Variants in NRG1 observed in about 807,000 individuals in gnomAD.
NRG1 encodes pro-neuregulin-1, membrane-bound isoform.
NRG1 carries 18 observed loss-of-function variants against 63.8 expected under a neutral mutation model. That is an observed-to-expected ratio of 0.28 (90% confidence interval 0.19 to 0.42). NRG1 has a LOEUF of 0.42. Ranked by LOEUF, NRG1 falls within the 10% of genes least tolerant of loss-of-function variation. The pLI is 1.00. For synonymous variants in NRG1, 302 were observed against 301.3 expected (o/e 1.00, Z -0.02); for missense variants, 762 against 814.7 (o/e 0.94, Z 0.79).
At chr8:32,379,007 T>C (rs192462279) in intron 1 of NRG1, among the ~76,000 whole-genome samples, 51 of 152,282 alleles carry the variant, frequency 3.3e-4, no homozygotes, top group Middle Eastern at 3.4e-3. Flanking sequence ...ATTTTCTTAA[T>C]CCGGTCTATC....
intron 1 of NRG1, among the ~76,000 whole-genome samples, chr8:31,910,596 C>G (rs1832860073): frequency 6.6e-6 from 1 of 152,124 alleles, no homozygotes; most frequent in Non-Finnish European, 1.5e-5. Context: ...CAAGAGACAT[C>G]TCAGTAGAAG....
At chr8:32,095,718 A>G (rs987758695) in intron 1 of NRG1, among the ~76,000 whole-genome samples, 1 of 152,180 alleles carries the variant, frequency 6.6e-6, no homozygotes, top group African/African-American at 2.4e-5. Flanking sequence ...TGTGCATGCT[A>G]TTATGTCTTG....
At chr8:31,903,148 C>CTTT (rs35433200) in intron 1 of NRG1, among the ~76,000 whole-genome samples, 7,983 of 125,412 alleles carry the variant, frequency 0.064, 978 homozygotes, top group African/African-American at 0.22. Context: ...GAGCCTTCAA[C>CTTT]TTTTTTTTTT....
intron 2 of NRG1, among the ~76,000 whole-genome samples, chr8:32,605,245 T>G (rs866800291): frequency 1.2e-4 from 18 of 152,276 alleles, no homozygotes; most frequent in African/African-American, 3.8e-4. Flanking sequence ...CCAATTGGGT[T>G]TAAAAATCTA....
intron 5 of NRG1, among the ~76,000 whole-genome samples, chr8:32,635,514 T>C (rs1391596396): frequency 6.6e-6 from 1 of 152,164 alleles, no homozygotes; most frequent in East Asian, 1.9e-4. Context: ...TCATTTTGAG[T>C]TGGACAATTC....
chr8:32,435,261 G>A (rs1012874509), intron 1 of NRG1, among the ~76,000 whole-genome samples: 63 of 152,210 alleles, frequency 4.1e-4, no homozygotes, highest in African/African-American at 1.4e-3. Flanking sequence ...TTTGCCTATT[G>A]GTTAGGTGGG....
chr8:32,351,202 C>T (rs1314040275), intron 1 of NRG1, among the ~76,000 whole-genome samples: 1 of 108,512 alleles, frequency 9.2e-6, no homozygotes, highest in Non-Finnish European at 2.4e-5. Flanking sequence ...CATACTCATA[C>T]CCCTTTTCTC....
chr8:32,595,084 A>G (rs1843121968), intron 1 of NRG1, among the ~76,000 whole-genome samples: 2 of 152,214 alleles, frequency 1.3e-5, no homozygotes, highest in Non-Finnish European at 2.9e-5. Flanking sequence ...AATGGATGTG[A>G]TGCTTCCTGC....
chr8:32,077,338 C>T (rs141608814), intron 1 of NRG1, among the ~76,000 whole-genome samples: 1 of 152,114 alleles, frequency 6.6e-6, no homozygotes, highest in East Asian at 1.9e-4. Flanking sequence ...TGCCCTCCAG[C>T]CTGGGCGACA....
chr8:32,323,240 G>A (rs1189811033), intron 1 of NRG1, among the ~76,000 whole-genome samples: 1 of 152,070 alleles, frequency 6.6e-6, no homozygotes, highest in Non-Finnish European at 1.5e-5. Context: ...CTTATCAAAA[G>A]TTTAATTTTC....
intron 1 of NRG1, among the ~76,000 whole-genome samples, chr8:31,812,256 G>A (rs1041853699): frequency 1.3e-5 from 2 of 152,186 alleles, no homozygotes; most frequent in Non-Finnish European, 2.9e-5. Flanking sequence ...TCAAATGCTA[G>A]CCTGTATGAG....
chr8:32,446,472 T>C (rs903300139), intron 1 of NRG1, among the ~76,000 whole-genome samples: 4 of 152,130 alleles, frequency 2.6e-5, no homozygotes, highest in African/African-American at 9.7e-5. Flanking sequence ...CTGGCCAATA[T>C]GGTGAAACCC....
intron 1 of NRG1, among the ~76,000 whole-genome samples, chr8:32,105,252 T>C (rs572358534): frequency 6.6e-6 from 1 of 152,290 alleles, no homozygotes; most frequent in South Asian, 2.1e-4. Context: ...ACTGTATTAG[T>C]TCGTTTTCAC....
At chr8:31,963,615 A>G (rs1290307202) in intron 1 of NRG1, among the ~76,000 whole-genome samples, 5 of 152,180 alleles carry the variant, frequency 3.3e-5, no homozygotes, top group Admixed American at 3.3e-4. Flanking sequence ...AGGTGAGCCT[A>G]TTTCAATTTA....
Position 32,021,763 on chromosome 8 carries a change from T to G in NRG1, c.37+382332T>G, listed in dbSNP as rs147582167. 4.2e-3 allele frequency among the ~76,000 whole-genome samples: 639 copies of G among 152,354 alleles called. 8 individuals are homozygous for G. Among genetic ancestry groups the G allele is most frequent in the African/African-American group, 0.015 (605 of 41,592 alleles). On this transcript the variant is annotated intron_variant, in intron 1 of 10. Coordinates refer to the NRG1 transcript ENST00000519301. The stretch of plus-strand genomic sequence containing the variant: ...CTCAAATTATTTTTACCTGGCTGCA[T>G]GGACATACAACATTTACCCTAAATT...
chr8:31,640,621 G>T lies in NRG1; in HGVS notation c.37+1190G>T. 2.5e-6 allele frequency: 4 copies of T among 1,611,476 alleles called. No individual in the cohort carries two copies. The highest frequency in any genetic ancestry group is 2.2e-5 in the East Asian group (1 of 44,776). On this transcript the variant is annotated intron_variant, in intron 1 of 10. Transcript: ENST00000519301. This position sits in a 1 kb window ranked among gnomAD's most constrained non-coding sequence, Gnocchi z 6.3. The stretch of plus-strand genomic sequence containing the variant: ...GTACATCTTCTTCATGGAGCCCGAC[G>T]CCAACAGCACCAGCCGCGCGCCGGC...
intron 1 of NRG1, among the ~76,000 whole-genome samples, chr8:32,333,410 A>G (rs1802885639): frequency 6.6e-6 from 1 of 152,184 alleles, no homozygotes; most frequent in Non-Finnish European, 1.5e-5. Context: ...TCTAGAATGC[A>G]GGGGCTGTCT....
At chr8:32,373,826 A>T (rs546833424) in intron 1 of NRG1, among the ~76,000 whole-genome samples, 3 of 152,324 alleles carry the variant, frequency 2.0e-5, no homozygotes, top group African/African-American at 7.2e-5. Context: ...GATGCTATGC[A>T]GCACTAAAAG....
chr8:31,949,366 T>G (rs540754584), intron 1 of NRG1, among the ~76,000 whole-genome samples: 8 of 152,362 alleles, frequency 5.3e-5, no homozygotes, highest in African/African-American at 1.4e-4. Context: ...TCTGCCTTTA[T>G]CATCTCTACT....
Sources: gnomAD v4.1 joint callset for allele counts (sites outside exome capture counted in the v4.1 genomes callset) on GRCh38, gnomAD v4.1.1 for gene constraint, Gnocchi (gnomAD v3.1) non-coding constraint, MANE v1.5 for transcripts, NCBI Gene and HGNC (gene_info 2026-07-23, HGNC 2026-07-21) for gene names.